Variants in AKAP7 observed in about 807,000 individuals in gnomAD.
AKAP7 encodes A-kinase anchoring protein 7, also known as A kinase (PRKA) anchor protein 7.
In AKAP7, 39 loss-of-function variants were observed where a neutral mutation model predicts 39.5. The observed-to-expected ratio is 0.99, with a 90% CI of 0.76 to 1.29. The LOEUF (loss-of-function observed/expected upper bound fraction) is 1.29. AKAP7 is among the 50% of genes most tolerant of loss of function. The pLI, the probability that AKAP7 is intolerant of heterozygous loss-of-function variation, is 0.00. For synonymous variants in AKAP7, 140 were observed against 139.1 expected, an observed-to-expected ratio of 1.01 and a Z score of -0.05; for missense variants, 414 against 407.7, an observed-to-expected ratio of 1.02 and a Z score of -0.13.
intron 7 of AKAP7, among the ~76,000 whole-genome samples, chr6:131,264,466 AATT>A (rs1208534126): frequency 6.6e-5 from 10 of 152,234 alleles, no homozygotes; most frequent in Admixed American, 5.9e-4. Context: ...CAGTGCATAA[AATT>A]ATTGTTTACA....
chr6:131,229,160 T>C (rs887752740), intron 7 of AKAP7, among the ~76,000 whole-genome samples: 3 of 152,348 alleles, frequency 2.0e-5, no homozygotes, highest in Admixed American at 6.5e-5. Context: ...TACTTGGGTG[T>C]TGACAGGCAT....
At chr6:131,216,753 A>G (rs1809218122) in intron 6 of AKAP7, among the ~76,000 whole-genome samples, 1 of 152,186 alleles carries the variant, frequency 6.6e-6, no homozygotes, top group Non-Finnish European at 1.5e-5. Context: ...GTTACGTTGC[A>G]TAATTGAAAT....
At chr6:131,144,034 C>T (rs915228951) in intron 1 of AKAP7, among the ~76,000 whole-genome samples, 2 of 137,270 alleles carry the variant, frequency 1.5e-5, no homozygotes, top group Admixed American at 7.7e-5. Flanking sequence ...TCCATTTAAC[C>T]CTGAGTGGAC....
chr6:131,180,257 G>C (rs1369570590), intron 5 of AKAP7, among the ~76,000 whole-genome samples: 1 of 152,182 alleles, frequency 6.6e-6, no homozygotes, highest in Non-Finnish European at 1.5e-5. Flanking sequence ...AACCCCTTCA[G>C]CTGTGTTCTT....
chr6:131,138,276 T>C (rs1463524915), intron 1 of AKAP7, among the ~76,000 whole-genome samples: 2 of 152,242 alleles, frequency 1.3e-5, no homozygotes, highest in East Asian at 3.8e-4. Flanking sequence ...GTTCCATCCA[T>C]GTTGCAAATG....
chr6:131,257,367 C>CAA lies in AKAP7; in HGVS notation c.851-24142_851-24141dup, dbSNP rs10712918. 0.017 allele frequency among the ~76,000 whole-genome samples: 1,514 copies of CAA among 89,422 alleles called. 89 individuals carry two copies. In the East Asian group the frequency reaches 0.23, roughly 13 times the overall value. 58.7% of individuals were successfully genotyped at this position (89,422 alleles called of 152,430 possible). The stretch of plus-strand genomic sequence containing the variant: ...TGGGTGACAAAGTGAGGCCTTGTCT[C>CAA]AAAAAAAAAAAAAAAAAAAAAAGTC... On this transcript the variant is annotated intron_variant, in intron 7 of 7. Coordinates refer to ENST00000431975, the MANE Select transcript of AKAP7 (RefSeq NM_016377.4).
At chr6:131,233,584 A>G (rs1810804204) in intron 7 of AKAP7, among the ~76,000 whole-genome samples, 1 of 152,174 alleles carries the variant, frequency 6.6e-6, no homozygotes, top group Non-Finnish European at 1.5e-5. Flanking sequence ...CCCAGGAAAA[A>G]CAAGGCTTAA....
intron 4 of AKAP7, among the ~76,000 whole-genome samples, chr6:131,166,759 G>T (rs1259817445): frequency 6.6e-6 from 1 of 152,122 alleles, no homozygotes; most frequent in Non-Finnish European, 1.5e-5. Context: ...TGAGGTTTCT[G>T]GGAAGACATT....
intron 7 of AKAP7, among the ~76,000 whole-genome samples, chr6:131,227,105 TA>T (rs1161064946): frequency 6.6e-6 from 1 of 151,414 alleles, no homozygotes; most frequent in Admixed American, 6.6e-5. Context: ...AATAGGAGAG[TA>T]GGGGGATAGG....
chr6:131,222,603 G>A (rs1210012947), intron 7 of AKAP7, among the ~76,000 whole-genome samples: 1 of 152,134 alleles, frequency 6.6e-6, no homozygotes, highest in Non-Finnish European at 1.5e-5. Flanking sequence ...TTGAATTGCT[G>A]TAATCTCATG....
chr6:131,176,878 T>G (rs2128251023), intron 5 of AKAP7, among the ~76,000 whole-genome samples: 1 of 152,258 alleles, frequency 6.6e-6, no homozygotes, highest in Admixed American at 6.5e-5. Context: ...GGGCTACGCT[T>G]TCTTCAGAAA....
chr6:131,143,625 G>A (rs2128226218), intron 1 of AKAP7, among the ~76,000 whole-genome samples: 1 of 152,214 alleles, frequency 6.6e-6, no homozygotes, highest in African/African-American at 2.4e-5. Flanking sequence ...AATACAACAG[G>A]GGTGTGTGTG....
chr6:131,154,290 AAAT>A (rs1245762518), intron 2 of AKAP7, among the ~76,000 whole-genome samples: 1 of 152,134 alleles, frequency 6.6e-6, no homozygotes, highest in Non-Finnish European at 1.5e-5. Flanking sequence ...TTTGGGAAAA[AAAT>A]AACCTAGACG....
intron 5 of AKAP7, among the ~76,000 whole-genome samples, chr6:131,196,001 A>G (rs1349855979): frequency 3.3e-5 from 5 of 152,186 alleles, no homozygotes; most frequent in Admixed American, 2.0e-4. Flanking sequence ...AGGTTTGGGA[A>G]ATTCTCTGAT....
At chr6:131,230,202 C>T (rs978663192) in intron 7 of AKAP7, among the ~76,000 whole-genome samples, 11 of 152,212 alleles carry the variant, frequency 7.2e-5, no homozygotes, top group African/African-American at 2.7e-4. Context: ...AACTAATTCA[C>T]ATTCTCACCA....
chr6:131,217,148 C>A (rs1036729786), intron 6 of AKAP7, among the ~76,000 whole-genome samples: 1 of 152,124 alleles, frequency 6.6e-6, no homozygotes, highest in African/African-American at 2.4e-5. Context: ...AATGCCACCA[C>A]GCAGCCTTTT....
At chr6:131,206,457 C>CTGA (rs1200880950) in intron 6 of AKAP7, among the ~76,000 whole-genome samples, 1 of 151,912 alleles carries the variant, frequency 6.6e-6, no homozygotes, top group Non-Finnish European at 1.5e-5. Flanking sequence ...ATCATTGGAC[C>CTGA]TGATGATGAT....
chr6:131,240,676 A>AAGG (rs1189495302), intron 7 of AKAP7, among the ~76,000 whole-genome samples: 2 of 152,182 alleles, frequency 1.3e-5, no homozygotes, highest in African/African-American at 4.8e-5. Context: ...AGCAATGAGC[A>AAGG]AGGCTCCATG....
intron 7 of AKAP7, among the ~76,000 whole-genome samples, chr6:131,231,023 T>G (rs370678937): frequency 5.9e-5 from 9 of 152,250 alleles, no homozygotes; most frequent in Admixed American, 2.6e-4. Context: ...AACCTCTGCT[T>G]TAGTTCATGG....
Sources: allele counts gnomAD v4.1 joint callset (sites outside exome capture counted in the v4.1 genomes callset), GRCh38; gene constraint gnomAD v4.1.1; transcripts MANE v1.5; gene names NCBI Gene and HGNC (gene_info 2026-07-23, HGNC 2026-07-21).